HCN1: variants seen among roughly 807,000 people sequenced by gnomAD.
The protein encoded by HCN1 is potassium/sodium hyperpolarization-activated cyclic nucleotide-gated channel 1.
HCN1 carries 13 observed loss-of-function variants against 78.9 expected under a neutral mutation model. That is an observed-to-expected ratio of 0.16 (90% CI 0.11 to 0.26). HCN1 has a LOEUF of 0.26. Ranked by LOEUF, HCN1 falls within the 10% of genes least tolerant of loss-of-function variation. HCN1 has a pLI of 1.00. For missense variants in HCN1, 810 were observed against 1,154.3 expected (o/e 0.70, Z 4.32); for synonymous variants, 552 against 455.5 (o/e 1.21, Z -2.70).
chr5:45,569,184 A>G (rs1743776085), intron 2 of HCN1, among the ~76,000 whole-genome samples: 1 of 152,084 alleles, frequency 6.6e-6, no homozygotes, highest in South Asian at 2.1e-4. Context: ...CTTCTACATG[A>G]TTGTCCATTA....
intron 3 of HCN1, among the ~76,000 whole-genome samples, chr5:45,431,357 T>C (rs1740460055): frequency 6.6e-6 from 1 of 152,176 alleles, no homozygotes; most frequent in African/African-American, 2.4e-5. Flanking sequence ...GCATAGTTTG[T>C]AAATATTTTA....
At chr5:45,566,612 T>C (rs1486363624) in intron 2 of HCN1, among the ~76,000 whole-genome samples, 1 of 152,040 alleles carries the variant, frequency 6.6e-6, no homozygotes, top group Non-Finnish European at 1.5e-5. Context: ...TTGATAGTAA[T>C]TTTTTTCAAA....
At chr5:45,335,979 T>G (rs1746445754) in intron 5 of HCN1, among the ~76,000 whole-genome samples, 1 of 152,062 alleles carries the variant, frequency 6.6e-6, no homozygotes, top group Non-Finnish European at 1.5e-5. Flanking sequence ...CCATTATGTG[T>G]TATATAGCTG....
chr5:45,503,095 T>C (rs773973250), intron 2 of HCN1, among the ~76,000 whole-genome samples: 31 of 152,214 alleles, frequency 2.0e-4, no homozygotes, highest in Non-Finnish European at 4.3e-4. Flanking sequence ...CAAAGTATTT[T>C]ATAAAATGTT....
chr5:45,499,561 C>T (rs1057096172), intron 2 of HCN1, among the ~76,000 whole-genome samples: 11 of 152,160 alleles, frequency 7.2e-5, no homozygotes, highest in Admixed American at 3.9e-4. Flanking sequence ...GCGTCGCTTA[C>T]GCTGGGAGCT....
chr5:45,346,401 G>C (rs1363501698), intron 5 of HCN1, among the ~76,000 whole-genome samples: 1 of 152,170 alleles, frequency 6.6e-6, no homozygotes, highest in Non-Finnish European at 1.5e-5. Context: ...GGCTGAATAG[G>C]AACAGCTCTG....
chr5:45,674,801 T>C (rs1178242796), intron 1 of HCN1, among the ~76,000 whole-genome samples: 1 of 151,646 alleles, frequency 6.6e-6, no homozygotes, highest in Non-Finnish European at 1.5e-5. Flanking sequence ...ATGGGCTGGG[T>C]GTAGTGGCTC....
At chr5:45,360,398 C>G (rs919019581) in intron 4 of HCN1, among the ~76,000 whole-genome samples, 10 of 151,838 alleles carry the variant, frequency 6.6e-5, no homozygotes, top group African/African-American at 2.4e-4. Flanking sequence ...ACTAATCTAT[C>G]TTAATTTTTA....
chr5:45,320,117 C>A (rs1175788368), intron 5 of HCN1, among the ~76,000 whole-genome samples: 1 of 151,662 alleles, frequency 6.6e-6, no homozygotes, highest in Non-Finnish European at 1.5e-5. Context: ...TCCAACACAC[C>A]CTATATTTTT....
Position 45,649,020 on chromosome 5 carries a change from A to G in HCN1, c.426-3412T>C, listed in dbSNP as rs754198025. ...CCTGCCTTTCCATCCCCCTCTTTTAACAACTGAGGACAAGCATCCCATATC... is the reference window on the plus strand; with the variant it reads ...CCTGCCTTTCCATCCCCCTCTTTTAGCAACTGAGGACAAGCATCCCATATC... On this transcript the variant is annotated intron_variant, in intron 1 of 7. Coordinates refer to ENST00000303230, the MANE Select transcript of HCN1 (RefSeq NM_021072.4). Among the ~76,000 whole-genome samples, 124 of 151,866 alleles carry G rather than the reference A, an allele frequency of 8.2e-4. 4 individuals are homozygous for G. Among genetic ancestry groups the G allele is most frequent in the Non-Finnish European group, 2.4e-4 (16 of 67,968 alleles).
intron 2 of HCN1, among the ~76,000 whole-genome samples, chr5:45,555,349 T>C (rs1743448909): frequency 6.6e-6 from 1 of 151,276 alleles, no homozygotes; most frequent in African/African-American, 2.4e-5. Flanking sequence ...AGTGAAAAAA[T>C]CTCTATAATA....
intron 2 of HCN1, among the ~76,000 whole-genome samples, chr5:45,515,773 G>T (rs984689598): frequency 6.6e-6 from 1 of 151,866 alleles, no homozygotes; most frequent in Admixed American, 6.6e-5. Flanking sequence ...TATCTTTTCA[G>T]ATTCTAAGAA....
chr5:45,290,180 C>T (rs903236532), intron 6 of HCN1, among the ~76,000 whole-genome samples: 1 of 152,020 alleles, frequency 6.6e-6, no homozygotes, highest in Non-Finnish European at 1.5e-5. Context: ...CCCACTTCTC[C>T]TTTGCCTTCT....
At chr5:45,506,631 G>C (rs1027002793) in intron 2 of HCN1, among the ~76,000 whole-genome samples, 2 of 152,062 alleles carry the variant, frequency 1.3e-5, no homozygotes, top group Admixed American at 6.5e-5. Flanking sequence ...CCACTCGGAT[G>C]TATTTCTTAA....
At chr5:45,589,913 C>G (rs1011537430) in intron 2 of HCN1, among the ~76,000 whole-genome samples, 10 of 152,150 alleles carry the variant, frequency 6.6e-5, no homozygotes, top group Non-Finnish European at 1.3e-4. Context: ...TTGGGCACAT[C>G]TTTTGATACA....
At chr5:45,387,053 T>C (rs909042264) in intron 4 of HCN1, among the ~76,000 whole-genome samples, 1 of 151,954 alleles carries the variant, frequency 6.6e-6, no homozygotes. Flanking sequence ...TATGTTATAT[T>C]ATAATCTGAA....
At chr5:45,501,483 G>A (rs1020550401) in intron 2 of HCN1, among the ~76,000 whole-genome samples, 17 of 151,884 alleles carry the variant, frequency 1.1e-4, no homozygotes, top group African/African-American at 4.1e-4. Flanking sequence ...CGCCCAGGCT[G>A]GAGTGTAGTG....
intron 2 of HCN1, among the ~76,000 whole-genome samples, chr5:45,472,265 G>A (rs1218463272): frequency 1.3e-5 from 2 of 151,768 alleles, no homozygotes; most frequent in Non-Finnish European, 2.9e-5. Context: ...ATACTCAAAT[G>A]TTGCTTCCTC....
chr5:45,384,966 T>G (rs1482462235), intron 4 of HCN1, among the ~76,000 whole-genome samples: 2 of 152,198 alleles, frequency 1.3e-5, no homozygotes, highest in Non-Finnish European at 2.9e-5. Flanking sequence ...TCTTCCTTTT[T>G]TCCAGAACTG....
Sources: gnomAD v4.1 joint callset for allele counts (sites outside exome capture counted in the v4.1 genomes callset) on GRCh38, gnomAD v4.1.1 for gene constraint, MANE v1.5 for transcripts, NCBI Gene and HGNC (gene_info 2026-07-23, HGNC 2026-07-21) for gene names.